CDC42SE2: variants seen among roughly 807,000 people sequenced by gnomAD.
CDC42SE2 encodes CDC42 small effector protein 2.
In CDC42SE2, 3 loss-of-function variants were observed where a neutral mutation model predicts 11.5. The ratio of observed to expected loss-of-function variants is 0.26; its 90% CI spans 0.12 to 0.67. CDC42SE2 has a LOEUF of 0.67. CDC42SE2 is among the 30% of genes least tolerant of loss of function. The pLI is 0.80. For synonymous variants in CDC42SE2, 33 were observed against 34.8 expected (o/e 0.95, Z 0.18); for missense variants, 82 against 106.8 (o/e 0.77, Z 1.02).
intron 1 of CDC42SE2, among the ~76,000 whole-genome samples, chr5:131,286,799 A>T (rs1397288420): frequency 6.6e-6 from 1 of 151,866 alleles, no homozygotes; most frequent in Non-Finnish European, 1.5e-5. Flanking sequence ...TTGTAATAAT[A>T]CAATATATAA....
At chr5:131,311,935 C>G (rs375553355) in intron 1 of CDC42SE2, among the ~76,000 whole-genome samples, 2 of 152,210 alleles carry the variant, frequency 1.3e-5, no homozygotes, top group African/African-American at 4.8e-5. Context: ...AAGCCTTCTT[C>G]ACTCAGCTCG....
intron 1 of CDC42SE2, among the ~76,000 whole-genome samples, chr5:131,309,690 C>A (rs376005460): frequency 6.7e-4 from 101 of 150,106 alleles, no homozygotes; most frequent in Middle Eastern, 6.8e-3. Flanking sequence ...TGTATGTGTC[C>A]AGGAATTTAT....
At chr5:131,352,097 GT>G (rs1387789509) in intron 2 of CDC42SE2, among the ~76,000 whole-genome samples, 1 of 152,130 alleles carries the variant, frequency 6.6e-6, no homozygotes, top group East Asian at 1.9e-4. Context: ...AGATACTACT[GT>G]ACACCCACTA....
At chr5:131,272,866 A>G (rs2149694926) in intron 1 of CDC42SE2, among the ~76,000 whole-genome samples, 1 of 152,284 alleles carries the variant, frequency 6.6e-6, no homozygotes, top group African/African-American at 2.4e-5. Flanking sequence ...TGTTGGTGGT[A>G]AATTCCCTAG....
Position 131,391,070 on chromosome 5 carries a change from C to A in CDC42SE2, c.234C>A (p.Leu78=). Residue 78 remains leucine, a synonymous_variant, in exon 5 of 5, where the codon CTC becomes CTA. Coordinates refer to ENST00000505065, the MANE Select transcript of CDC42SE2 (RefSeq NM_001375635.1). ...GGMPANVQMQ[L]VDTKAG is the part of the protein sequence containing the mutation. Reference sequence around the variant, plus strand: ...TGCCTGCCAATGTCCAGATGCAGCTCGTGGATACGAAGGCGGGATAGCCCT... The same window carrying A: ...TGCCTGCCAATGTCCAGATGCAGCTAGTGGATACGAAGGCGGGATAGCCCT... 1.2e-6 allele frequency: 2 copies of A among 1,612,620 alleles called. No homozygotes were observed. The highest frequency in any genetic ancestry group is 1.7e-6 in the Non-Finnish European group (2 of 1,179,056).
At chr5:131,293,515 T>C (rs1248526024) in intron 1 of CDC42SE2, among the ~76,000 whole-genome samples, 1 of 143,248 alleles carries the variant, frequency 7.0e-6, no homozygotes, top group Non-Finnish European at 1.5e-5. Flanking sequence ...GAGGTTGCAG[T>C]GAGTGGAGAT....
At chr5:131,341,715 C>T (rs1157731715) in intron 2 of CDC42SE2, among the ~76,000 whole-genome samples, 10 of 151,838 alleles carry the variant, frequency 6.6e-5, no homozygotes, top group Non-Finnish European at 1.5e-4. Flanking sequence ...GATATAGGTA[C>T]ATAAAAAAAC....
the CDC42SE2 span, among the ~76,000 whole-genome samples, chr5:131,212,105 G>GT: frequency 7.4e-5 from 11 of 148,260 alleles, no homozygotes; most frequent in East Asian, 1.9e-4. Context: ...GTTTTTTTCT[G>GT]TTTTTTTGTT....
chr5:131,247,345 G>A (rs1756603785), intron 1 of CDC42SE2, among the ~76,000 whole-genome samples: 1 of 152,166 alleles, frequency 6.6e-6, no homozygotes, highest in Admixed American at 6.5e-5. Flanking sequence ...ACAGCCGGGC[G>A]AGGTGGCTCA....
chr5:131,254,810 T>C (rs949656496), intron 1 of CDC42SE2, among the ~76,000 whole-genome samples: 11 of 152,352 alleles, frequency 7.2e-5, no homozygotes, highest in African/African-American at 2.6e-4. Context: ...CAACATGCTT[T>C]CTACAGTGCA....
intron 3 of CDC42SE2, among the ~76,000 whole-genome samples, chr5:131,384,876 A>G (rs1750431675): frequency 6.7e-6 from 1 of 150,068 alleles, no homozygotes; most frequent in Non-Finnish European, 1.5e-5. Context: ...GAGCCCAGTT[A>G]AAAGACCAGC....
the CDC42SE2 span, among the ~76,000 whole-genome samples, chr5:131,240,355 A>G: frequency 6.6e-6 from 1 of 152,318 alleles, no homozygotes; most frequent in South Asian, 2.1e-4. Context: ...TACATTTAAT[A>G]TCTACTGTCC....
intron 2 of CDC42SE2, among the ~76,000 whole-genome samples, chr5:131,328,027 A>G (rs1233890530): frequency 6.6e-6 from 1 of 152,218 alleles, no homozygotes; most frequent in East Asian, 1.9e-4. Flanking sequence ...GAAGGGAGAG[A>G]GAGAACATGA....
intron 1 of CDC42SE2, among the ~76,000 whole-genome samples, chr5:131,289,907 A>G (rs1421718944): frequency 6.6e-6 from 1 of 152,032 alleles, no homozygotes; most frequent in Non-Finnish European, 1.5e-5. Context: ...TGGCACAGTC[A>G]TAACTCACTA....
chr5:131,250,908 A>T (rs1349660263), intron 1 of CDC42SE2, among the ~76,000 whole-genome samples: 2 of 152,138 alleles, frequency 1.3e-5, no homozygotes, highest in Non-Finnish European at 2.9e-5. Context: ...TTGGCTCAGC[A>T]ATTACAACAA....
chr5:131,239,029 G>A, the CDC42SE2 span, among the ~76,000 whole-genome samples: 2 of 151,732 alleles, frequency 1.3e-5, no homozygotes, highest in Non-Finnish European at 2.9e-5. Flanking sequence ...GGTGGCGCTC[G>A]CCTGTAATCC....
In CDC42SE2 at chr5:131,301,015, C is replaced by T. The variant is rs117503221; in HGVS notation, c.-454-14961C>T. ...TGTCTTCGTTTTATAGTTAGTGAAACCAAATCTCAGGGAGGTAACCTCCCA... is the reference window on the plus strand; with the variant it reads ...TGTCTTCGTTTTATAGTTAGTGAAATCAAATCTCAGGGAGGTAACCTCCCA... On this transcript the variant is annotated intron_variant, in intron 1 of 4. Transcript: ENST00000505065. Among the ~76,000 whole-genome samples the T allele has an allele frequency of 5.3e-4, 80 of 152,200 alleles. 1 individual carries two copies. In the East Asian group the frequency reaches 0.013, roughly 25 times the overall value.
At chr5:131,250,872 G>A (rs1308799796) in intron 1 of CDC42SE2, among the ~76,000 whole-genome samples, 4 of 151,888 alleles carry the variant, frequency 2.6e-5, no homozygotes, top group African/African-American at 9.7e-5. Context: ...AGATCCCAGG[G>A]TCTCTTAAAA....
chr5:131,348,920 GA>G (rs1197565639), intron 2 of CDC42SE2, among the ~76,000 whole-genome samples: 1 of 152,048 alleles, frequency 6.6e-6, no homozygotes. Flanking sequence ...ATGGTGCTGG[GA>G]AAACTGGCTA....
Sources: allele counts gnomAD v4.1 joint callset (sites outside exome capture counted in the v4.1 genomes callset), GRCh38; gene constraint gnomAD v4.1.1; transcripts MANE v1.5; gene names NCBI Gene and HGNC (gene_info 2026-07-23, HGNC 2026-07-21).